AGBL4: variants seen among roughly 807,000 people sequenced by gnomAD.
AGBL4 encodes cytosolic carboxypeptidase 6.
A neutral mutation model predicts 66.4 loss-of-function variants in AGBL4; 58 were observed. That is an observed-to-expected ratio of 0.87 (90% confidence interval 0.71 to 1.09). The LOEUF (loss-of-function observed/expected upper bound fraction) is 1.09. AGBL4 is among the 50% of genes least tolerant of loss of function. The probability of loss-of-function intolerance (pLI) is 0.00; values close to 1 mark genes in which losing one functional copy is unlikely to be tolerated. For missense variants in AGBL4, 579 were observed against 631.0 expected, an observed-to-expected ratio of 0.92 and a Z score of 0.88; for synonymous variants, 234 against 222.9, an observed-to-expected ratio of 1.05 and a Z score of -0.44.
At chr1:48,887,092 G>A (rs1372903202) in intron 5 of AGBL4, among the ~76,000 whole-genome samples, 6 of 152,148 alleles carry the variant, frequency 3.9e-5, no homozygotes, top group Non-Finnish European at 8.8e-5. Flanking sequence ...TTCTCAAGGT[G>A]GAGAAAGGGG....
intron 4 of AGBL4, among the ~76,000 whole-genome samples, chr1:49,118,560 G>C (rs1645581824): frequency 6.6e-6 from 1 of 152,164 alleles, no homozygotes; most frequent in South Asian, 2.1e-4. Context: ...ACTTGATTGT[G>C]GTGGATAAGC....
intron 4 of AGBL4, among the ~76,000 whole-genome samples, chr1:49,229,088 G>A (rs1237703602): frequency 6.6e-6 from 1 of 152,078 alleles, no homozygotes; most frequent in Non-Finnish European, 1.5e-5. Context: ...TCCCCAGCTT[G>A]CTAAACTCAC....
intron 3 of AGBL4, among the ~76,000 whole-genome samples, chr1:49,260,485 G>A (rs1409406132): frequency 2.0e-5 from 3 of 151,916 alleles, no homozygotes; most frequent in South Asian, 2.1e-4. Context: ...TATCACCACC[G>A]ATCCCACAAA....
At chr1:49,607,673 C>A (rs771541481) in intron 3 of AGBL4, among the ~76,000 whole-genome samples, 5 of 152,118 alleles carry the variant, frequency 3.3e-5, no homozygotes, top group Admixed American at 3.3e-4. Context: ...TTAGTCTATA[C>A]AGCAAGACTA....
At chr1:48,540,799 C>T (rs953753896) in intron 11 of AGBL4, among the ~76,000 whole-genome samples, 6 of 152,166 alleles carry the variant, frequency 3.9e-5, no homozygotes, top group East Asian at 1.9e-4. Flanking sequence ...CTTTCCACCC[C>T]CCTAGAATAG....
At chr1:48,985,283 G>A (rs1394360334) in intron 5 of AGBL4, among the ~76,000 whole-genome samples, 1 of 152,096 alleles carries the variant, frequency 6.6e-6, no homozygotes, top group Non-Finnish European at 1.5e-5. Flanking sequence ...ACCAATCTGA[G>A]AGCTTGGAAA....
intron 6 of AGBL4, among the ~76,000 whole-genome samples, chr1:48,837,783 G>T (rs1208414992): frequency 7.6e-6 from 1 of 131,592 alleles, no homozygotes; most frequent in Non-Finnish European, 1.7e-5. Context: ...GACTAATACA[G>T]TGAGTGTGAT....
intron 1 of AGBL4, among the ~76,000 whole-genome samples, chr1:49,965,566 A>G (rs375776776): frequency 2.0e-5 from 3 of 152,232 alleles, no homozygotes; most frequent in Admixed American, 2.0e-4. Context: ...AAATAGAGAC[A>G]GTGAGTTTCA....
At chr1:48,989,041 G>A (rs1018777279) in intron 5 of AGBL4, among the ~76,000 whole-genome samples, 18 of 152,106 alleles carry the variant, frequency 1.2e-4, no homozygotes, top group South Asian at 2.1e-4. Flanking sequence ...TGACAGATAC[G>A]GAGGTAGAGG....
intron 9 of AGBL4, among the ~76,000 whole-genome samples, chr1:48,609,165 G>C (rs1645198677): frequency 6.6e-6 from 1 of 152,128 alleles, no homozygotes; most frequent in Non-Finnish European, 1.5e-5. Context: ...TACATGCTGA[G>C]AGAGCCTCTA....
At chr1:48,529,122 G>A (rs1208867189), downstream of AGBL4, among the ~76,000 whole-genome samples, 4 of 151,976 alleles carry the variant, frequency 2.6e-5, no homozygotes, top group Admixed American at 1.3e-4. Context: ...TCTGTGTTAA[G>A]TGCTAAGACT....
At chr1:48,667,578 T>C (rs571212474) in intron 6 of AGBL4, among the ~76,000 whole-genome samples, 1 of 152,356 alleles carries the variant, frequency 6.6e-6, no homozygotes, top group African/African-American at 2.4e-5. Context: ...ACATAATAAA[T>C]ATTTGCTGTT....
chr1:49,038,414 A>T (rs375103547), intron 5 of AGBL4, among the ~76,000 whole-genome samples: 3 of 152,208 alleles, frequency 2.0e-5, no homozygotes, highest in African/African-American at 7.2e-5. Flanking sequence ...ATAGTAGCTT[A>T]CCTTTAACCT....
chr1:48,977,121 G>GA (rs973420945), intron 5 of AGBL4, among the ~76,000 whole-genome samples: 1 of 152,012 alleles, frequency 6.6e-6, no homozygotes, highest in Non-Finnish European at 1.5e-5. Context: ...TAGTATATAG[G>GA]AAGTATAAGG....
At chr1:48,796,256 ACTT>A (rs1174895364) in intron 6 of AGBL4, among the ~76,000 whole-genome samples, 3 of 152,334 alleles carry the variant, frequency 2.0e-5, no homozygotes, top group Admixed American at 1.3e-4. Context: ...AGCACCCAAC[ACTT>A]CTTCTCTCCC....
chr1:49,557,609 C>T (rs1400541428), intron 3 of AGBL4, among the ~76,000 whole-genome samples: 1 of 152,142 alleles, frequency 6.6e-6, no homozygotes, highest in African/African-American at 2.4e-5. Context: ...AGGGGAATCA[C>T]TGTTTCCAGT....
At chr1:49,353,320 G>A (rs984324305) in intron 3 of AGBL4, among the ~76,000 whole-genome samples, 1 of 152,098 alleles carries the variant, frequency 6.6e-6, no homozygotes, top group South Asian at 2.1e-4. Context: ...ACTTTTGCGG[G>A]TTCCTCAATA....
chr1:49,910,692 C>T (rs1445226219), intron 1 of AGBL4, among the ~76,000 whole-genome samples: 7 of 151,906 alleles, frequency 4.6e-5, no homozygotes, highest in African/African-American at 7.2e-5. Flanking sequence ...GAAAGAAAAC[C>T]GCGCCAGGCA....
intron 9 of AGBL4, among the ~76,000 whole-genome samples, chr1:48,610,147 C>G (rs1488910437): frequency 2.0e-5 from 3 of 152,198 alleles, no homozygotes; most frequent in Non-Finnish European, 2.9e-5. Context: ...GAGCACGTGC[C>G]TAGTGGAGAA....
Sources: gnomAD v4.1 joint callset for allele counts (sites outside exome capture counted in the v4.1 genomes callset) on GRCh38, gnomAD v4.1.1 for gene constraint, MANE v1.5 for transcripts, NCBI Gene and HGNC (gene_info 2026-07-23, HGNC 2026-07-21) for gene names.